CA10: variants seen among roughly 807,000 people sequenced by gnomAD.
CA10 encodes carbonic anhydrase 10 (inactive).
In CA10, 14 loss-of-function variants were observed where a neutral mutation model predicts 44.2. The ratio of observed to expected loss-of-function variants is 0.32; its 90% confidence interval spans 0.21 to 0.50. CA10 has a LOEUF of 0.50. Ranked by LOEUF, CA10 falls within the 20% of genes least tolerant of loss-of-function variation. The pLI is 0.99. For synonymous variants in CA10, 159 were observed against 141.6 expected, an observed-to-expected ratio of 1.12 and a Z score of -0.87; for missense variants, 350 against 409.7, an observed-to-expected ratio of 0.85 and a Z score of 1.26.
intron 3 of CA10, among the ~76,000 whole-genome samples, chr17:51,919,292 G>A (rs545203647): frequency 6.6e-6 from 1 of 152,260 alleles, no homozygotes; most frequent in South Asian, 2.1e-4. Flanking sequence ...AAATGGTCAG[G>A]CTTACAAGGA....
intron 6 of CA10, among the ~76,000 whole-genome samples, chr17:51,646,249 C>T (rs550835836): frequency 3.9e-5 from 6 of 152,156 alleles, no homozygotes; most frequent in East Asian, 1.9e-4. Flanking sequence ...GCAATCATAC[C>T]GCTCTGAAGG....
chr17:52,066,427 C>T (rs368591607), intron 2 of CA10, among the ~76,000 whole-genome samples: 6 of 152,302 alleles, frequency 3.9e-5, no homozygotes, highest in African/African-American at 1.2e-4. Context: ...ATAATCTCCA[C>T]ATGTCAACGG....
chr17:51,963,365 C>T (rs993619125), intron 2 of CA10, among the ~76,000 whole-genome samples: 7 of 152,064 alleles, frequency 4.6e-5, no homozygotes, highest in East Asian at 1.9e-4. Context: ...TTCAAGAAAA[C>T]GTCCCTAATC....
rs775761105 is a variant in CA10, at chr17:51,786,206, T to TTGTGTGTG, written c.280-38389_280-38388insCACACACA. Among the ~76,000 whole-genome samples, 1,067 of 123,824 alleles carry TTGTGTGTG rather than the reference T, an allele frequency of 8.6e-3. 13 individuals are homozygous for TTGTGTGTG. The highest frequency in any genetic ancestry group is 0.028 in the African/African-American group (994 of 35,886). 81.2% of individuals were successfully genotyped at this position (123,824 alleles called of 152,430 possible). A position where few individuals can be genotyped will look rare whatever the true frequency, so the allele number is the denominator to read the frequency against. Reference sequence around the variant, plus strand: ...GATTTTTTAATGCGTTCTAACATCTTTGTGTGTCTGTGTGTGTGTGTGTGT... The same window carrying TTGTGTGTG: ...GATTTTTTAATGCGTTCTAACATCTTTGTGTGTGTGTGTGTCTGTGTGTGTGTGTGTGT... On this transcript the variant is annotated intron_variant, in intron 3 of 8. Coordinates refer to ENST00000451037, the MANE Select transcript of CA10 (RefSeq NM_020178.5).
intron 3 of CA10, among the ~76,000 whole-genome samples, chr17:51,861,601 A>G (rs532234752): frequency 1.1e-4 from 16 of 151,318 alleles, no homozygotes; most frequent in East Asian, 9.7e-4. Context: ...AACTTTATAT[A>G]TAGTTGTTTC....
At chr17:51,668,865 G>GCGGC (rs1252236141) in intron 4 of CA10, among the ~76,000 whole-genome samples, 1 of 152,216 alleles carries the variant, frequency 6.6e-6, no homozygotes, top group Non-Finnish European at 1.5e-5. Context: ...CACACTTGGA[G>GCGGC]CGGCCGGCCG....
chr17:51,755,491 G>C (rs372610841), intron 3 of CA10, among the ~76,000 whole-genome samples: 38 of 152,268 alleles, frequency 2.5e-4, no homozygotes, highest in African/African-American at 8.9e-4. Context: ...TTTCCGATAT[G>C]TTCTCTCTCA....
chr17:51,994,876 GT>G (rs1259038777), intron 2 of CA10, among the ~76,000 whole-genome samples: 12 of 151,952 alleles, frequency 7.9e-5, no homozygotes, highest in Non-Finnish European at 1.5e-5. Flanking sequence ...CCATGGTAGA[GT>G]TTTGTCTGTC....
chr17:52,013,556 CAT>C (rs1448261553), intron 2 of CA10, among the ~76,000 whole-genome samples: 1 of 151,640 alleles, frequency 6.6e-6, no homozygotes, highest in Admixed American at 6.6e-5. Flanking sequence ...CACACAGAAA[CAT>C]ATAGAAAAAT....
intron 1 of CA10, among the ~76,000 whole-genome samples, chr17:52,102,869 A>T (rs536006871): frequency 1.7e-4 from 26 of 152,296 alleles, no homozygotes; most frequent in Non-Finnish European, 2.8e-4. Flanking sequence ...ACCTTACAAA[A>T]GGTCCAAAAT....
At chr17:51,977,415 C>A (rs1020969170) in intron 2 of CA10, among the ~76,000 whole-genome samples, 6 of 151,822 alleles carry the variant, frequency 4.0e-5, no homozygotes, top group Non-Finnish European at 4.4e-5. Context: ...ATGGGATTTA[C>A]TCCATTAAAA....
At chr17:51,840,374 A>C (rs1305203134) in intron 3 of CA10, among the ~76,000 whole-genome samples, 2 of 152,126 alleles carry the variant, frequency 1.3e-5, no homozygotes, top group Non-Finnish European at 2.9e-5. Flanking sequence ...TGTGGACAAA[A>C]AGGCAGAATG....
intron 1 of CA10, among the ~76,000 whole-genome samples, chr17:52,099,466 G>A (rs1988485283): frequency 6.6e-6 from 1 of 152,154 alleles, no homozygotes; most frequent in South Asian, 2.1e-4. Flanking sequence ...TACTTTTTCT[G>A]TTTGTTTTTG....
chr17:52,099,917 G>A (rs887642263), intron 1 of CA10, among the ~76,000 whole-genome samples: 2 of 152,238 alleles, frequency 1.3e-5, no homozygotes, highest in Non-Finnish European at 1.5e-5. Flanking sequence ...AAACCCTCTA[G>A]ATTTGGCAAT....
intron 1 of CA10, among the ~76,000 whole-genome samples, chr17:52,148,501 A>G (rs887356759): frequency 1.3e-5 from 2 of 152,214 alleles, no homozygotes; most frequent in African/African-American, 4.8e-5. Flanking sequence ...AAAACTATCA[A>G]ACATATTGCT....
At chr17:51,944,624 A>T (rs1461328741) in intron 2 of CA10, among the ~76,000 whole-genome samples, 1 of 152,142 alleles carries the variant, frequency 6.6e-6, no homozygotes, top group Non-Finnish European at 1.5e-5. Context: ...ATAAATTTTA[A>T]CAATACAGCA....
intron 4 of CA10, among the ~76,000 whole-genome samples, chr17:51,723,503 G>A (rs946975740): frequency 1.3e-5 from 2 of 152,202 alleles, no homozygotes; most frequent in East Asian, 1.9e-4. Flanking sequence ...AGGACAAGAC[G>A]GCATCTACTG....
chr17:52,076,281 C>G (rs1167867285), intron 1 of CA10, among the ~76,000 whole-genome samples: 1 of 152,182 alleles, frequency 6.6e-6, no homozygotes, highest in Non-Finnish European at 1.5e-5. Flanking sequence ...ACAAGATTAT[C>G]ACCAAAAGCT....
At chr17:51,901,024 C>G (rs1981290553) in intron 3 of CA10, among the ~76,000 whole-genome samples, 2 of 152,160 alleles carry the variant, frequency 1.3e-5, no homozygotes, top group Non-Finnish European at 2.9e-5. Flanking sequence ...TCGGCCATTT[C>G]AGCCTGGTTA....
Sources: allele counts gnomAD v4.1 joint callset (sites outside exome capture counted in the v4.1 genomes callset), GRCh38; gene constraint gnomAD v4.1.1; transcripts MANE v1.5; gene names NCBI Gene and HGNC (gene_info 2026-07-23, HGNC 2026-07-21).